Variants in IDO2 observed in about 807,000 individuals in gnomAD.
IDO2 encodes indoleamine 2,3-dioxygenase-like 1 protein.
A neutral mutation model predicts 45.1 loss-of-function variants in IDO2; 46 were observed. The observed-to-expected ratio is 1.02, with a 90% CI of 0.80 to 1.30. The LOEUF (loss-of-function observed/expected upper bound fraction) is 1.30. Among genes scored for constraint, IDO2 ranks in the 50% most tolerant of loss-of-function variants. The pLI is 0.00. For missense variants in IDO2, 544 were observed against 491.8 expected, an observed-to-expected ratio of 1.11 and a Z score of -1.00; for synonymous variants, 218 against 184.9, an observed-to-expected ratio of 1.18 and a Z score of -1.45.
At chr8:39,950,403 A>C (rs1807796408) in intron 2 of IDO2, among the ~76,000 whole-genome samples, 1 of 152,260 alleles carries the variant, frequency 6.6e-6, no homozygotes, top group East Asian at 1.9e-4. Flanking sequence ...GTGGTGGCAC[A>C]TGCCTGTAGT....
At chr8:39,936,691 G>T (rs1361267055) in intron 1 of IDO2, among the ~76,000 whole-genome samples, 1 of 152,156 alleles carries the variant, frequency 6.6e-6, no homozygotes, top group Admixed American at 6.5e-5. Flanking sequence ...GGCATTCCTA[G>T]AACTGGAGTT....
chr8:39,960,392 C>T (rs1807974125), intron 2 of IDO2, among the ~76,000 whole-genome samples: 1 of 152,196 alleles, frequency 6.6e-6, no homozygotes, highest in Non-Finnish European at 1.5e-5. Flanking sequence ...TTCTTCCAGT[C>T]CTTTGCTCCT....
intron 9 of IDO2, among the ~76,000 whole-genome samples, chr8:40,008,780 G>A (rs1216131107): frequency 6.6e-6 from 1 of 152,090 alleles, no homozygotes; most frequent in African/African-American, 2.4e-5. Context: ...TAAATTCGGA[G>A]TCATTGACAC....
chr8:39,961,320 C>CTTTTTTTTTTTT, intron 2 of IDO2, among the ~76,000 whole-genome samples: 1 of 106,116 alleles, frequency 9.4e-6, no homozygotes, highest in Non-Finnish European at 1.9e-5. Flanking sequence ...TTGTATACTT[C>CTTTTTTTTTTTT]TTTTTTTTTT....
intron 1 of IDO2, among the ~76,000 whole-genome samples, chr8:39,945,303 G>A (rs758444609): frequency 6.6e-6 from 1 of 152,234 alleles, no homozygotes; most frequent in Non-Finnish European, 1.5e-5. Flanking sequence ...ATTTATGAAA[G>A]GAGAAATGTG....
intron 3 of IDO2, 36 bp from the exon 4 acceptor site, chr8:39,979,031 T>A: frequency 6.4e-7 from 1 of 1,554,324 alleles, no homozygotes; most frequent in Non-Finnish European, 8.7e-7. Context: ...CCGGTTCCCA[T>A]CCCTCCTCTG....
chr8:39,996,260 G>A (rs898695125), intron 8 of IDO2, among the ~76,000 whole-genome samples: 21 of 152,122 alleles, frequency 1.4e-4, no homozygotes, highest in Non-Finnish European at 4.4e-5. Flanking sequence ...GTGCTTCAGC[G>A]GTCACGCTCC....
chr8:39,936,650 T>C (rs1373782239), intron 1 of IDO2, among the ~76,000 whole-genome samples: 1 of 152,172 alleles, frequency 6.6e-6, no homozygotes, highest in East Asian at 1.9e-4. Context: ...AAGTACATGC[T>C]CTTAAGAGTA....
chr8:39,949,170 A>C, exon 2 of IDO2: 1 of 1,606,686 alleles, frequency 6.2e-7, no homozygotes, highest in African/African-American at 1.3e-5. Flanking sequence ...AAAATAATGG[A>C]GCCCCACAGA....
chr8:39,949,290 A>G (rs1807781808), intron 2 of IDO2, 26 bp downstream of exon 2: 1 of 1,520,650 alleles, frequency 6.6e-7, no homozygotes, highest in Non-Finnish European at 8.9e-7. Flanking sequence ...TGGTAAGGAT[A>G]GGTCAGAATA....
At chr8:39,943,233 TG>T (rs976099435) in intron 1 of IDO2, among the ~76,000 whole-genome samples, 1 of 151,622 alleles carries the variant, frequency 6.6e-6, no homozygotes, top group African/African-American at 2.4e-5. Flanking sequence ...TAGCTGGGTG[TG>T]GTGGTACAAG....
At chr8:39,973,288 G>C (rs1808208396) in intron 3 of IDO2, among the ~76,000 whole-genome samples, 1 of 152,050 alleles carries the variant, frequency 6.6e-6, no homozygotes. Flanking sequence ...TATATAATGA[G>C]TTATATGTAT....
chr8:39,935,977 G>C (rs947323196), intron 1 of IDO2, among the ~76,000 whole-genome samples: 1 of 152,136 alleles, frequency 6.6e-6, no homozygotes, highest in African/African-American at 2.4e-5. Context: ...ATCCAGAAGA[G>C]GTATCCACAA....
At chr8:39,968,719 G>C (rs1315107318) in intron 3 of IDO2, among the ~76,000 whole-genome samples, 1 of 151,962 alleles carries the variant, frequency 6.6e-6, no homozygotes, top group Non-Finnish European at 1.5e-5. Context: ...GTGGGGTGGG[G>C]GGCTAGGGGA....
rs1400876128 is a variant in IDO2 at position 39,939,252 on chromosome 8, A to G, written c.-18+4034A>G. Among the ~76,000 whole-genome samples the G allele has an allele frequency of 1.8e-3, 269 of 148,976 alleles. 2 individuals carry two copies. The highest frequency in any genetic ancestry group is 2.7e-3 in the Admixed American group (40 of 14,898). ...AGCAAGACTCCATCTCAAAAAAAAAAAAAAAAAAAAGAGGCCAGGAGTGGT... is the reference window on the plus strand; with the variant it reads ...AGCAAGACTCCATCTCAAAAAAAAAGAAAAAAAAAAGAGGCCAGGAGTGGT... On this transcript the variant is annotated intron_variant, in intron 1 of 10. Transcript: ENST00000502986.
At chr8:39,963,844 C>G in intron 3 of IDO2, 141 bp downstream of exon 3, 2 of 558,404 alleles carry the variant, frequency 3.6e-6, no homozygotes, top group Non-Finnish European at 3.2e-6. Flanking sequence ...TATCTTCCTT[C>G]CTGAAAAACA....
intron 3 of IDO2, among the ~76,000 whole-genome samples, chr8:39,964,751 C>A (rs1808059235): frequency 2.0e-5 from 3 of 151,634 alleles, no homozygotes; most frequent in Admixed American, 1.3e-4. Context: ...CCAAAGAAAT[C>A]CAAAAATAAG....
At chr8:39,980,186 T>C (rs1340693056) in intron 4 of IDO2, among the ~76,000 whole-genome samples, 1 of 152,214 alleles carries the variant, frequency 6.6e-6, no homozygotes, top group African/African-American at 2.4e-5. Context: ...ATATAAATTA[T>C]CTAGGTTGCT....
rs997080904 is a variant in IDO2, at chr8:39,954,634, C to T, written c.99+5370C>T. 8.0e-5 allele frequency among the ~76,000 whole-genome samples: 12 copies of T among 150,244 alleles called. 1 individual carries two copies. Among genetic ancestry groups the T allele is most frequent in the African/African-American group, 2.7e-4 (11 of 40,758 alleles). On this transcript the variant is annotated intron_variant, in intron 2 of 10. Coordinates refer to ENST00000502986, the Ensembl canonical transcript of IDO2. ...TCTTTTCTCCACTATGCACAAATTC[C>T]CTATGTCTCTCTCTCTTTTTTTTTT...
Sources: allele counts gnomAD v4.1 joint callset (sites outside exome capture counted in the v4.1 genomes callset), GRCh38; gene constraint gnomAD v4.1.1; transcripts MANE v1.5; gene names NCBI Gene and HGNC (gene_info 2026-07-23, HGNC 2026-07-21).